Variants in HIP1 observed in about 807,000 individuals in gnomAD.
The protein encoded by HIP1 is huntingtin-interacting protein 1.
HIP1 carries 65 observed loss-of-function variants against 147.6 expected under a neutral mutation model. That is an observed-to-expected ratio of 0.44 (90% CI 0.36 to 0.54). The LOEUF (loss-of-function observed/expected upper bound fraction) is 0.54, where lower values mean the gene tolerates loss of function less well. Ranked by LOEUF, HIP1 falls within the 20% of genes least tolerant of loss-of-function variation. The probability of loss-of-function intolerance (pLI) is 0.00; values close to 1 mark genes in which losing one functional copy is unlikely to be tolerated. For synonymous variants in HIP1, 479 were observed against 504.0 expected (o/e 0.95, Z 0.67); for missense variants, 1,061 against 1,299.6 (o/e 0.82, Z 2.82).
intron 1 of HIP1, among the ~76,000 whole-genome samples, chr7:75,714,829 C>T (rs1310962660): frequency 6.6e-6 from 1 of 152,170 alleles, no homozygotes; most frequent in Non-Finnish European, 1.5e-5. Context: ...ATTAACTATA[C>T]TACACAATGA....
At chr7:75,564,017 G>T (rs1294564424) in intron 9 of HIP1, among the ~76,000 whole-genome samples, 2 of 152,042 alleles carry the variant, frequency 1.3e-5, no homozygotes, top group African/African-American at 4.8e-5. Flanking sequence ...TCAGCCTCCT[G>T]AGTAGCTAGA....
intron 1 of HIP1, among the ~76,000 whole-genome samples, chr7:75,669,584 C>CAAAACAAAACAAAA (rs71098055): frequency 5.9e-5 from 9 of 151,378 alleles, no homozygotes; most frequent in Middle Eastern, 3.4e-3. Flanking sequence ...CAAAACAAAA[C>CAAAACAAAACAAAA]AAGAAACACC....
At chr7:75,581,091 C>T in intron 7 of HIP1, 146 bp downstream of exon 7, 1 of 637,704 alleles carries the variant, frequency 1.6e-6, no homozygotes, top group Non-Finnish European at 2.8e-6. Flanking sequence ...CAGTCCCTCC[C>T]TGCACGAGGG....
chr7:75,539,291 C>T (rs200958440), intron 30 of HIP1, 32 bp downstream of exon 30: 103 of 1,502,580 alleles, frequency 6.9e-5, no homozygotes, highest in Non-Finnish European at 8.5e-5. Flanking sequence ...CTCCCTGCTG[C>T]GGGTTAGTGC....
At chr7:75,648,230 A>G (rs1408575253) in intron 1 of HIP1, among the ~76,000 whole-genome samples, 1 of 151,418 alleles carries the variant, frequency 6.6e-6, no homozygotes, top group African/African-American at 2.4e-5. Flanking sequence ...AGTAGCTGGG[A>G]CTAGTTGGAG....
At position 75,556,047 on chromosome 7, in the gene HIP1, C is replaced by T; in HGVS notation, c.1806G>A (p.Gln602=). 6.2e-7 allele frequency: 1 copy of T among 1,614,156 alleles called. No homozygotes were observed. Among genetic ancestry groups the T allele is most frequent in the Non-Finnish European group, 8.5e-7 (1 of 1,180,002 alleles). Residue 602 remains glutamine (Q), a synonymous_variant, in exon 18 of 31, where the codon CAG becomes CAA. Coordinates refer to ENST00000336926, the MANE Select transcript of HIP1 (RefSeq NM_005338.7). ...TTGCCTCTGTGCTGGCCAGTTTGAGCTGAGTGTCCTGCAGTTCTTTCCGAA... is the reference window on the plus strand; with the variant it reads ...TTGCCTCTGTGCTGGCCAGTTTGAGTTGAGTGTCCTGCAGTTCTTTCCGAA... ...SALRKELQDT[Q]LKLASTEESM... is the part of the protein sequence containing the mutation.
Position 75,542,009 on chromosome 7 carries a change from T to C in HIP1, c.2891-29A>G, listed in dbSNP as rs1421355651. The C allele has an allele frequency of 6.9e-6, 11 of 1,599,318 alleles. No homozygotes were observed. In the Admixed American group the frequency reaches 1.8e-4, roughly 27 times the overall value. On this transcript the variant is annotated intron_variant, in intron 28 of 30. Transcript: ENST00000336926. ...CAAGGATGGAAACAAGAAGGTCTCA[T>C]CAAATTCTACCCTGGCTGACTGGCA... is the stretch of plus-strand genomic sequence containing the variant.
intron 11 of HIP1, 124 bp downstream of exon 11, chr7:75,562,811 G>C (rs1169925743): frequency 1.1e-6 from 1 of 948,200 alleles, no homozygotes; most frequent in South Asian, 1.6e-5. Context: ...GTTGGTGCTA[G>C]GTGAATGAAG....
At chr7:75,578,741 G>T (rs1795932036) in intron 7 of HIP1, among the ~76,000 whole-genome samples, 1 of 152,148 alleles carries the variant, frequency 6.6e-6, no homozygotes, top group African/African-American at 2.4e-5. Context: ...CACATACGTT[G>T]TTCCCACCAA....
chr7:75,539,034 T>G (rs587767672), intron 30 of HIP1, among the ~76,000 whole-genome samples: 2 of 152,218 alleles, frequency 1.3e-5, no homozygotes, highest in East Asian at 1.9e-4. Context: ...TCCCAGGGAG[T>G]TGGCAAGGCT....
At chr7:75,605,398 C>T (rs587707310) in intron 1 of HIP1, among the ~76,000 whole-genome samples, 4 of 152,120 alleles carry the variant, frequency 2.6e-5, no homozygotes, top group South Asian at 2.1e-4. Flanking sequence ...GGTGAGGCTG[C>T]GTGTGGGAGG....
At chr7:75,619,661 T>G (rs77936510) in intron 1 of HIP1, among the ~76,000 whole-genome samples, 1 of 151,940 alleles carries the variant, frequency 6.6e-6, no homozygotes, top group African/African-American at 2.4e-5. Flanking sequence ...TTCTGGAAAA[T>G]GTGAATTGCC....
At chr7:75,731,828 A>C (rs1554523062) in intron 1 of HIP1, among the ~76,000 whole-genome samples, 1 of 152,162 alleles carries the variant, frequency 6.6e-6, no homozygotes, top group East Asian at 1.9e-4. Flanking sequence ...ATCAGGACCC[A>C]CGGTCACCAT....
At chr7:75,643,033 A>T (rs899126083) in intron 1 of HIP1, among the ~76,000 whole-genome samples, 5 of 152,188 alleles carry the variant, frequency 3.3e-5, no homozygotes, top group Non-Finnish European at 7.3e-5. Flanking sequence ...CGTAATTCGT[A>T]CAGAAGGTGA....
intron 30 of HIP1, among the ~76,000 whole-genome samples, chr7:75,538,978 C>T (rs587626345): frequency 6.6e-6 from 1 of 152,288 alleles, no homozygotes; most frequent in Admixed American, 6.5e-5. Flanking sequence ...TCTCGACTGA[C>T]CACTATTTAT....
chr7:75,676,759 A>G (rs1267338502), intron 1 of HIP1, among the ~76,000 whole-genome samples: 1 of 144,608 alleles, frequency 6.9e-6, no homozygotes, highest in Non-Finnish European at 1.5e-5. Flanking sequence ...CTGGGCAAAA[A>G]GAATGAAACT....
intron 1 of HIP1, among the ~76,000 whole-genome samples, chr7:75,713,067 G>C (rs1382572930): frequency 6.6e-6 from 1 of 152,196 alleles, no homozygotes; most frequent in Non-Finnish European, 1.5e-5. Context: ...GTGGCCTACA[G>C]GAGCTCTGGG....
intron 1 of HIP1, among the ~76,000 whole-genome samples, chr7:75,685,414 G>A (rs552279081): frequency 2.1e-4 from 32 of 152,300 alleles, no homozygotes; most frequent in East Asian, 1.3e-3. Flanking sequence ...ATGGTATTGC[G>A]TGTGCTCCCT....
In HIP1 at chr7:75,536,743, T is replaced by G. The variant is rs1230854758; in HGVS notation, c.*1429A>C. 1 of 228,628 alleles carries G rather than the reference T, an allele frequency of 4.4e-6. No individual in the cohort carries two copies. The highest frequency in any genetic ancestry group is 8.7e-6 in the Non-Finnish European group (1 of 115,290). 14.2% of individuals were successfully genotyped at this position (228,628 alleles called of 1,614,324 possible). ...TGATCTCCTTGCTTTGGGATCCAAG[T>G]CAGTAACAGTCCAGCACCTTGGCCT... On this transcript the variant is annotated 3_prime_UTR_variant, in exon 31 of 31. Coordinates refer to ENST00000336926, the MANE Select transcript of HIP1 (RefSeq NM_005338.7).
Sources: gnomAD v4.1 joint callset for allele counts (sites outside exome capture counted in the v4.1 genomes callset) on GRCh38, gnomAD v4.1.1 for gene constraint, MANE v1.5 for transcripts, NCBI Gene and HGNC (gene_info 2026-07-23, HGNC 2026-07-21) for gene names.